The following SHLD2 variants were observed in gnomAD, a reference collection of about 807,000 sequenced individuals.
SHLD2 encodes the protein RINN1-REV7-interacting novel NHEJ regulator 2.
A neutral mutation model predicts 73.2 loss-of-function variants in SHLD2; 30 were observed. The observed-to-expected ratio is 0.41, with a 90% CI of 0.31 to 0.56. The LOEUF (loss-of-function observed/expected upper bound fraction) is 0.56. SHLD2 is among the 20% of genes least tolerant of loss of function. SHLD2 has a pLI of 0.28. For missense variants in SHLD2, 745 were observed against 1,055.9 expected (o/e 0.71, Z 4.08); for synonymous variants, 285 against 370.1 (o/e 0.77, Z 2.64).
chr10:87,182,031 G>A (rs1158940843), intron 8 of SHLD2, among the ~76,000 whole-genome samples: 1 of 152,150 alleles, frequency 6.6e-6, no homozygotes, highest in Non-Finnish European at 1.5e-5. Context: ...GCCTCCCAAA[G>A]TGCTGGAATT....
intron 2 of SHLD2, among the ~76,000 whole-genome samples, chr10:87,120,228 GTATT>G (rs10623819): frequency 0.033 from 4,812 of 145,304 alleles, 231 homozygotes; most frequent in Admixed American, 0.12. Flanking sequence ...AAGTGTTGAG[GTATT>G]TATTTATTTA....
At chr10:87,181,337 G>A (rs952095815) in intron 8 of SHLD2, among the ~76,000 whole-genome samples, 12 of 151,132 alleles carry the variant, frequency 7.9e-5, no homozygotes, top group African/African-American at 2.9e-4. Context: ...AGTGAGCTAT[G>A]TTTGCACCAC....
intron 2 of SHLD2, among the ~76,000 whole-genome samples, chr10:87,111,139 G>T (rs1405562206): frequency 6.6e-6 from 1 of 151,912 alleles, no homozygotes; most frequent in African/African-American, 2.4e-5. Flanking sequence ...ACTGCGCCTG[G>T]CCCTTAAAAT....
chr10:87,138,390 C>A, intron 2 of SHLD2, among the ~76,000 whole-genome samples: 1 of 150,496 alleles, frequency 6.6e-6, no homozygotes, highest in Non-Finnish European at 1.5e-5. Context: ...AAAAAAACAA[C>A]CTGTTAACCT....
chr10:87,146,932 T>C (rs756188122), intron 2 of SHLD2, among the ~76,000 whole-genome samples: 5 of 151,464 alleles, frequency 3.3e-5, no homozygotes, highest in Non-Finnish European at 5.9e-5. Flanking sequence ...GGTGCATGCC[T>C]GTAATCTCAG....
chr10:87,157,756 A>G (rs1162752507), intron 3 of SHLD2, among the ~76,000 whole-genome samples: 1 of 152,252 alleles, frequency 6.6e-6, no homozygotes, highest in Non-Finnish European at 1.5e-5. Flanking sequence ...AGAAATATAC[A>G]TGATAACATT....
intron 2 of SHLD2, among the ~76,000 whole-genome samples, chr10:87,106,025 C>T (rs1016539677): frequency 1.3e-5 from 2 of 152,226 alleles, no homozygotes; most frequent in African/African-American, 2.4e-5. Context: ...TGTTTTGAGA[C>T]GGAGTCTTGC....
intron 4 of SHLD2, among the ~76,000 whole-genome samples, chr10:87,167,626 T>G (rs1847293414): frequency 6.6e-6 from 1 of 152,096 alleles, no homozygotes; most frequent in South Asian, 2.1e-4. Flanking sequence ...AATTGAAAAG[T>G]GGGACCTAAT....
chr10:87,173,503 A>G (rs1847747154), intron 6 of SHLD2, among the ~76,000 whole-genome samples: 1 of 152,154 alleles, frequency 6.6e-6, no homozygotes, highest in Admixed American at 6.5e-5. Context: ...AGAATAGTTA[A>G]TGTTTGGAAA....
intron 3 of SHLD2, among the ~76,000 whole-genome samples, chr10:87,154,945 G>GT (rs1846296149): frequency 3.3e-5 from 5 of 151,756 alleles, no homozygotes; most frequent in East Asian, 1.9e-4. Context: ...AATCTTTTTT[G>GT]TTTTTTTGAG....
intron 2 of SHLD2, among the ~76,000 whole-genome samples, chr10:87,130,512 G>A (rs546496789): frequency 5.3e-5 from 8 of 152,110 alleles, no homozygotes; most frequent in African/African-American, 1.4e-4. Flanking sequence ...TGGGAAAAGC[G>A]TAGTAACCTA....
At chr10:87,100,370 A>G (rs61858876) in intron 2 of SHLD2, among the ~76,000 whole-genome samples, 6,262 of 152,008 alleles carry the variant, frequency 0.041, 208 homozygotes, top group Admixed American at 0.077. Flanking sequence ...TTGTCTTCAC[A>G]CTCTATGAAA....
intron 2 of SHLD2, among the ~76,000 whole-genome samples, chr10:87,132,933 C>T (rs1183273524): frequency 1.3e-5 from 2 of 151,954 alleles, no homozygotes; most frequent in African/African-American, 4.8e-5. Context: ...GAATTATTTT[C>T]GTTAATCTTA....
intron 2 of SHLD2, among the ~76,000 whole-genome samples, chr10:87,139,502 T>C (rs1845028347): frequency 2.0e-5 from 3 of 152,070 alleles, no homozygotes; most frequent in Admixed American, 2.0e-4. Flanking sequence ...GAAATAATTC[T>C]GATGATTGAA....
intron 2 of SHLD2, among the ~76,000 whole-genome samples, chr10:87,103,603 A>C (rs1244450321): frequency 6.6e-6 from 1 of 152,190 alleles, no homozygotes; most frequent in Non-Finnish European, 1.5e-5. Flanking sequence ...TGTGTTTCTA[A>C]CTGATTTTCA....
intron 2 of SHLD2, among the ~76,000 whole-genome samples, chr10:87,142,922 C>CTTTTTTT (rs71269253): frequency 3.6e-5 from 3 of 83,198 alleles, no homozygotes; most frequent in African/African-American, 5.5e-5. Flanking sequence ...TTTATTTTTA[C>CTTTTTTT]TTTTTTTTTT....
At chr10:87,171,227 C>A (rs1405119635) in intron 6 of SHLD2, among the ~76,000 whole-genome samples, 8 of 151,998 alleles carry the variant, frequency 5.3e-5, no homozygotes, top group African/African-American at 1.9e-4. Context: ...ACTACTTTAC[C>A]CTTTTAGTGA....
intron 4 of SHLD2, among the ~76,000 whole-genome samples, chr10:87,159,208 G>A (rs146655127): frequency 0.052 from 7,876 of 152,216 alleles, 376 homozygotes; most frequent in African/African-American, 0.13. Context: ...GAAAGGCAGA[G>A]CAAGTAGAAG....
intron 6 of SHLD2, among the ~76,000 whole-genome samples, chr10:87,174,419 GCTTA>G (rs1847810361): frequency 6.6e-6 from 1 of 150,462 alleles, no homozygotes; most frequent in Non-Finnish European, 1.5e-5. Context: ...GCTTCTCTTA[GCTTA>G]CTTTTCTAAT....
Sources: allele counts gnomAD v4.1 joint callset (sites outside exome capture counted in the v4.1 genomes callset), GRCh38; gene constraint gnomAD v4.1.1; transcripts MANE v1.5; gene names NCBI Gene and HGNC (gene_info 2026-07-23, HGNC 2026-07-21).